Variants in ZNF69 observed in about 807,000 individuals in gnomAD.
ZNF69 encodes zinc finger protein 69.
Under a neutral mutation model 50.9 loss-of-function variants are expected in ZNF69, and 47 were observed. The ratio of observed to expected loss-of-function variants is 0.92; its 90% CI spans 0.73 to 1.18. The LOEUF is 1.18. Among genes scored for constraint, ZNF69 ranks in the 50% most tolerant of loss-of-function variants. The probability of loss-of-function intolerance (pLI) is 0.00; values close to 1 mark genes in which losing one functional copy is unlikely to be tolerated. For missense variants in ZNF69, 717 were observed against 675.1 expected, an observed-to-expected ratio of 1.06 and a Z score of -0.69; for synonymous variants, 216 against 223.1, an observed-to-expected ratio of 0.97 and a Z score of 0.29.
At chr19:11,974,057 T>C in the ZNF69 span, among the ~76,000 whole-genome samples, 2,681 of 148,568 alleles carry the variant, frequency 0.018, 35 homozygotes, top group African/African-American at 0.026. Flanking sequence ...TCTTTCTTTC[T>C]TTCCTTCTTT....
At chr19:11,928,731 C>CAAAA in the ZNF69 span, among the ~76,000 whole-genome samples, 5 of 53,398 alleles carry the variant, frequency 9.4e-5, no homozygotes, top group Admixed American at 2.0e-4. Context: ...GACTCCGTCT[C>CAAAA]AAAAAAAAAA....
At chr19:11,956,084 A>G in the ZNF69 span, among the ~76,000 whole-genome samples, 1 of 152,182 alleles carries the variant, frequency 6.6e-6, no homozygotes. Flanking sequence ...GGGCAAAATG[A>G]AGATGCTTAA....
the ZNF69 span, among the ~76,000 whole-genome samples, chr19:11,952,784 G>A: frequency 4.6e-5 from 7 of 152,102 alleles, no homozygotes; most frequent in African/African-American, 1.2e-4. Context: ...GCAGAGATGG[G>A]GGCACCTGAC....
the ZNF69 span, among the ~76,000 whole-genome samples, chr19:11,944,380 T>C: frequency 6.6e-6 from 1 of 152,198 alleles, no homozygotes; most frequent in Non-Finnish European, 1.5e-5. Flanking sequence ...ACACTTTCCC[T>C]AAACTATTTT....
In ZNF69 at chr19:11,905,790, A is replaced by G. The variant is rs1476817804; in HGVS notation, c.1393A>G (p.Thr465Ala). 6.2e-7 allele frequency: 1 copy of G among 1,613,056 alleles called. No individual in the cohort carries two copies. The highest frequency in any genetic ancestry group is 2.2e-5 in the East Asian group (1 of 44,764). Residue 465 changes from threonine (T) to alanine (A), a missense_variant, in exon 4 of 4, where the codon ACA becomes GCA. Thr to Ala is a moderately conservative substitution (Grantham distance 58). Coordinates refer to ENST00000429654, the MANE Select transcript of ZNF69 (RefSeq NM_001364730.1). ...GAAGAACCTTCAAAGTCATGAAAGGACACAAACACACGTAAGAATACACTC... is the reference window on the plus strand; with the variant it reads ...GAAGAACCTTCAAAGTCATGAAAGGGCACAAACACACGTAAGAATACACTC... ...SMKNLQSHER[T>A]QTHVRIHSGE... is the part of the protein sequence containing the mutation.
chr19:11,904,932 T>G lies in ZNF69; in HGVS notation c.535T>G (p.Phe179Val). The change falls in exon 4 of 4, where the codon TTT becomes GTT. Residue 179 changes from phenylalanine to valine, a missense_variant. Coordinates refer to ENST00000429654, the MANE Select transcript of ZNF69 (RefSeq NM_001364730.1). ...PKKAFRYHPSFRTPQRDHTGE... is the reference protein window; with the variant it reads ...PKKAFRYHPSVRTPQRDHTGE... Reference sequence around the variant, plus strand: ...AAAAGCCTTCAGATATCACCCCTCCTTTAGAACACCACAAAGGGATCACAC... The same window carrying G: ...AAAAGCCTTCAGATATCACCCCTCCGTTAGAACACCACAAAGGGATCACAC... The G allele has an allele frequency of 6.2e-7, 1 of 1,614,170 alleles. No individual in the cohort carries two copies. The highest frequency in any genetic ancestry group is 1.3e-5 in the African/African-American group (1 of 75,052).
In ZNF69 at chr19:11,887,950, T is replaced by G; in HGVS notation, c.27T>G (p.Cys9Trp). 6.2e-7 allele frequency: 1 copy of G among 1,612,424 alleles called. No homozygotes were observed. The highest frequency in any genetic ancestry group is 8.5e-7 in the Non-Finnish European group (1 of 1,178,938). Reference protein sequence around the residue: MPCCSHRRCREDPGTSESQ... With the variant: MPCCSHRRWREDPGTSESQ... The stretch of plus-strand genomic sequence containing the variant: ...TGCCCTGCTGTAGTCACAGGAGGTG[T>G]AGAGAGGACCCCGGGACATCTGAAA... The change falls in exon 1 of 4, where the codon TGT (cysteine) becomes TGG (tryptophan). Residue 9 changes from cysteine to tryptophan, a missense_variant. Physicochemically the swap from Cys to Trp is radical, Grantham distance 215 (BLOSUM62 -2). Coordinates refer to ENST00000429654, the MANE Select transcript of ZNF69 (RefSeq NM_001364730.1).
the ZNF69 span, among the ~76,000 whole-genome samples, chr19:11,924,187 C>T: frequency 6.6e-6 from 1 of 151,906 alleles, no homozygotes; most frequent in African/African-American, 2.4e-5. Flanking sequence ...AATCCCAGCA[C>T]TTTGCGGGGC....
chr19:11,952,190 A>T, the ZNF69 span, among the ~76,000 whole-genome samples: 1 of 151,662 alleles, frequency 6.6e-6, no homozygotes, highest in East Asian at 1.9e-4. Flanking sequence ...AAAAAAAAAG[A>T]CTTGGCCTTG....
the ZNF69 span, among the ~76,000 whole-genome samples, chr19:11,962,860 C>T: frequency 6.6e-6 from 1 of 152,096 alleles, no homozygotes; most frequent in African/African-American, 2.4e-5. Flanking sequence ...TTTTCCTCCT[C>T]CCATCCTCCC....
the ZNF69 span, among the ~76,000 whole-genome samples, chr19:11,924,277 A>G: frequency 6.6e-6 from 1 of 151,950 alleles, no homozygotes; most frequent in African/African-American, 2.4e-5. Context: ...CTGAAAATAC[A>G]AAATATTAGC....
At chr19:11,959,533 A>G in the ZNF69 span, among the ~76,000 whole-genome samples, 6 of 152,156 alleles carry the variant, frequency 3.9e-5, no homozygotes, top group Admixed American at 1.3e-4. Context: ...TACCATTAAT[A>G]CACCATTAGT....
downstream of ZNF69, among the ~76,000 whole-genome samples, chr19:11,911,122 A>T (rs9748999): frequency 6.6e-6 from 1 of 152,012 alleles, no homozygotes; most frequent in Admixed American, 6.6e-5. Flanking sequence ...ACCACAATGA[A>T]ATACCATCTC....
At chr19:11,977,732 C>T in the ZNF69 span, among the ~76,000 whole-genome samples, 3 of 152,108 alleles carry the variant, frequency 2.0e-5, no homozygotes, top group Non-Finnish European at 4.4e-5. Context: ...TGGTATGCAT[C>T]GTAGTCCTAG....
the ZNF69 span, chr19:11,979,819 C>A: frequency 3.6e-5 from 57 of 1,570,140 alleles, no homozygotes; most frequent in African/African-American, 7.2e-4. Context: ...GTGGGAAAGC[C>A]TTCAGATCTG....
the ZNF69 span, chr19:11,947,183 C>T: frequency 1.2e-6 from 2 of 1,613,612 alleles, no homozygotes; most frequent in African/African-American, 2.7e-5. Flanking sequence ...TGTTTCAGGA[C>T]CCAGTGGCCT....
At chr19:11,907,152 A>C (rs1972390622), downstream of ZNF69, among the ~76,000 whole-genome samples, 2 of 152,222 alleles carry the variant, frequency 1.3e-5, no homozygotes, top group Admixed American at 1.3e-4. Context: ...GAAATGAAAA[A>C]GCCTCCAAGA....
chr19:11,943,609 G>T, the ZNF69 span, among the ~76,000 whole-genome samples: 1 of 152,104 alleles, frequency 6.6e-6, no homozygotes, highest in Non-Finnish European at 1.5e-5. Context: ...ACATCAGGTC[G>T]GGCATTTCCT....
chr19:11,974,069 T>TTTCTTTC, the ZNF69 span, among the ~76,000 whole-genome samples: 1 of 114,776 alleles, frequency 8.7e-6, no homozygotes, highest in African/African-American at 3.2e-5. Flanking sequence ...TCCTTCTTTC[T>TTTCTTTC]TTTCTTTCTT....
Sources: allele counts gnomAD v4.1 joint callset (sites outside exome capture counted in the v4.1 genomes callset), GRCh38; gene constraint gnomAD v4.1.1; transcripts MANE v1.5; gene names NCBI Gene and HGNC (gene_info 2026-07-23, HGNC 2026-07-21).